The following SVIL variants were observed in gnomAD, a reference collection of about 807,000 sequenced individuals.
SVIL encodes supervillin.
SVIL carries 101 observed loss-of-function variants against 240.4 expected under a neutral mutation model. The observed-to-expected ratio is 0.42, with a 90% CI of 0.36 to 0.50. SVIL has a LOEUF of 0.50. SVIL is among the 20% of genes least tolerant of loss of function. The pLI is 0.01. For synonymous variants in SVIL, 999 were observed against 1,100.0 expected (o/e 0.91, Z 1.82); for missense variants, 2,512 against 2,818.7 (o/e 0.89, Z 2.46).
intron 3 of SVIL, among the ~76,000 whole-genome samples, chr10:29,641,276 GTT>G (rs1958477227): frequency 6.6e-6 from 1 of 151,914 alleles, no homozygotes; most frequent in African/African-American, 2.4e-5. Flanking sequence ...AAAAAATAAA[GTT>G]TAAAACAATA....
At chr10:29,607,772 A>G (rs1957078781) in intron 1 of SVIL, among the ~76,000 whole-genome samples, 1 of 152,222 alleles carries the variant, frequency 6.6e-6, no homozygotes, top group Non-Finnish European at 1.5e-5. Flanking sequence ...TGAGTCAGAG[A>G]TGGAGCAGGT....
At chr10:29,590,369 G>T (rs915419033) in intron 1 of SVIL, among the ~76,000 whole-genome samples, 2 of 152,002 alleles carry the variant, frequency 1.3e-5, no homozygotes, top group African/African-American at 4.8e-5. Flanking sequence ...CTGACACTCA[G>T]CCTTGACGGT....
intron 12 of SVIL, among the ~76,000 whole-genome samples, chr10:29,529,294 A>G (rs1951183063): frequency 2.0e-5 from 3 of 152,082 alleles, no homozygotes; most frequent in African/African-American, 7.2e-5. Flanking sequence ...ATGAAATGGT[A>G]AGACCTCTAG....
intron 1 of SVIL, among the ~76,000 whole-genome samples, chr10:29,623,033 T>C (rs1957724924): frequency 6.6e-6 from 1 of 152,218 alleles, no homozygotes; most frequent in African/African-American, 2.4e-5. Flanking sequence ...TGTGTGTGCA[T>C]GCTTGCACTG....
intron 25 of SVIL, 37 bp from the exon 26 acceptor site, chr10:29,486,267 A>G: frequency 6.2e-7 from 1 of 1,610,038 alleles, no homozygotes; most frequent in Non-Finnish European, 8.5e-7. Context: ...ATCACATTTT[A>G]CATTGCAAAG....
intron 1 of SVIL, among the ~76,000 whole-genome samples, chr10:29,733,274 T>G (rs1964720254): frequency 6.6e-6 from 1 of 152,180 alleles, no homozygotes; most frequent in Non-Finnish European, 1.5e-5. Flanking sequence ...ATTATCTAAT[T>G]TAGTCCTCAT....
rs140497149 is a variant in SVIL, at chr10:29,551,085, C to T, written c.339G>A (p.Arg113=). ...GCCCATACTTCTCTGCCAGCTGTCG[C>T]CTTCTTTCTGCTTTGTACCTTGCAA... ...ERIARYKAER[R]RQLAEKYGLT... is the part of the protein sequence containing the mutation. The change falls in exon 6 of 38, where the codon AGG becomes AGA. Residue 113 remains arginine, a synonymous_variant. Transcript: ENST00000355867. 2.8e-4 allele frequency: 445 copies of T among 1,614,174 alleles called. 1 individual carries two copies. The highest frequency in any genetic ancestry group is 8.2e-4 in the Middle Eastern group (5 of 6,062).
intron 34 of SVIL, among the ~76,000 whole-genome samples, chr10:29,465,022 C>T (rs1588798544): frequency 6.6e-6 from 1 of 152,198 alleles, no homozygotes; most frequent in African/African-American, 2.4e-5. Context: ...TTAGCCAATA[C>T]CCCAACATCC....
chr10:29,645,106 C>T (rs891166584), intron 3 of SVIL, among the ~76,000 whole-genome samples: 5 of 152,156 alleles, frequency 3.3e-5, no homozygotes, highest in African/African-American at 1.2e-4. Context: ...GGTTTCTCAT[C>T]GCACTGCCCT....
Position 29,646,590 on chromosome 10 carries a change from C to T in SVIL, c.-201+11379G>A, listed in dbSNP as rs181429672. ...CTTTCTCCCCAGAAACATGATCCTGCTTTCTATACCAACAAGTATTAATTC... is the reference window on the plus strand; with the variant it reads ...CTTTCTCCCCAGAAACATGATCCTGTTTTCTATACCAACAAGTATTAATTC... On this transcript the variant is annotated intron_variant, in intron 3 of 35. Coordinates refer to the SVIL transcript ENST00000375400. Among the ~76,000 whole-genome samples, 363 of 152,344 alleles carry T rather than the reference C, an allele frequency of 2.4e-3. 3 individuals are homozygous for T. The highest frequency in any genetic ancestry group is 8.3e-3 in the African/African-American group (345 of 41,570).
intron 1 of SVIL, among the ~76,000 whole-genome samples, chr10:29,686,977 A>G (rs1450703025): frequency 6.6e-6 from 1 of 151,958 alleles, no homozygotes; most frequent in Non-Finnish European, 1.5e-5. Context: ...AAATCTCAAG[A>G]CCCCCAAACT....
upstream of SVIL, among the ~76,000 whole-genome samples, chr10:29,736,221 C>T (rs1039582383): frequency 6.6e-6 from 1 of 152,210 alleles, no homozygotes; most frequent in Non-Finnish European, 1.5e-5. Context: ...GGTCCAGCCG[C>T]GTCCTCGGAG....
intron 1 of SVIL, among the ~76,000 whole-genome samples, chr10:29,591,645 C>T (rs1956394602): frequency 6.6e-6 from 1 of 152,214 alleles, no homozygotes; most frequent in Admixed American, 6.5e-5. Flanking sequence ...GCACCCTGCA[C>T]CTTTTTAAAA....
chr10:29,556,976 C>T lies in SVIL; in HGVS notation c.-50-1868G>A, dbSNP rs138154885. ...AAATTCCAAGGGTGCCTAAAAGGTA[C>T]GACTTGAACCCATGCCTCAAACCCT... On this transcript the variant is annotated intron_variant, in intron 3 of 37. Coordinates refer to ENST00000355867, the MANE Select transcript of SVIL (RefSeq NM_021738.3). 4.6e-4 allele frequency among the ~76,000 whole-genome samples: 70 copies of T among 152,230 alleles called. No homozygotes were observed. In the East Asian group the frequency reaches 8.5e-3, roughly 18 times the overall value.
At chr10:29,694,525 T>G (rs1481152198) in intron 1 of SVIL, among the ~76,000 whole-genome samples, 1 of 152,136 alleles carries the variant, frequency 6.6e-6, no homozygotes, top group East Asian at 1.9e-4. Context: ...AGTGGCATGA[T>G]CTCGGCTCAC....
chr10:29,700,673 CTG>C (rs1272112634), intron 1 of SVIL, among the ~76,000 whole-genome samples: 2 of 151,884 alleles, frequency 1.3e-5, no homozygotes, highest in African/African-American at 2.4e-5. Context: ...GGTTTCACCA[CTG>C]TGTTAGCCAG....
At chr10:29,474,589 T>G (rs989594319) in intron 29 of SVIL, among the ~76,000 whole-genome samples, 1 of 139,198 alleles carries the variant, frequency 7.2e-6, no homozygotes, top group Non-Finnish European at 1.5e-5. Flanking sequence ...AGTGAGACTC[T>G]CTTACAAATA....
At chr10:29,734,008 T>G (rs1485833189) in intron 1 of SVIL, among the ~76,000 whole-genome samples, 1 of 152,194 alleles carries the variant, frequency 6.6e-6, no homozygotes, top group Non-Finnish European at 1.5e-5. Flanking sequence ...TAAACGCACA[T>G]TCAGCACAGT....
chr10:29,508,286 G>T, intron 17 of SVIL: 11 of 1,169,506 alleles, frequency 9.4e-6, no homozygotes, highest in South Asian at 1.3e-5. Flanking sequence ...GATTACCCAC[G>T]CGAAGTGTAA....
Sources: gnomAD v4.1 joint callset for allele counts (sites outside exome capture counted in the v4.1 genomes callset) on GRCh38, gnomAD v4.1.1 for gene constraint, MANE v1.5 for transcripts, NCBI Gene and HGNC (gene_info 2026-07-23, HGNC 2026-07-21) for gene names.